The following TBL1X variants were observed in gnomAD, a reference collection of about 807,000 sequenced individuals.
TBL1X encodes transducin beta like 1 X-linked, also known as F-box-like/WD repeat-containing protein TBL1X.
A neutral mutation model predicts 50.7 loss-of-function variants in TBL1X; 10 were observed. The observed-to-expected ratio is 0.20, with a 90% CI of 0.12 to 0.33. The LOEUF is 0.33. Ranked by LOEUF, TBL1X falls within the 10% of genes least tolerant of loss-of-function variation. TBL1X has a pLI of 1.00. For synonymous variants in TBL1X, 190 were observed against 214.7 expected (o/e 0.88, Z 1.01); for missense variants, 340 against 504.4 (o/e 0.67, Z 3.12).
intron 1 of TBL1X, 79 bp downstream of exon 1, chrX:9,465,526 A>T (rs924227832): frequency 9.0e-5 from 10 of 111,404 alleles, no homozygotes; most frequent in African/African-American, 2.9e-4. Flanking sequence ...CTGACCCTCC[A>T]GGGTCCGGCC....
chrX:9,683,073 C>A (rs1285661124), intron 5 of TBL1X, among the ~76,000 whole-genome samples: 1 of 111,728 alleles, frequency 9.0e-6, no homozygotes, highest in African/African-American at 3.3e-5. Flanking sequence ...CCCAGCCCTG[C>A]CAGGCGGGGT....
At chrX:9,477,808 C>T (rs1414209610) in intron 1 of TBL1X, among the ~76,000 whole-genome samples, 1 of 111,678 alleles carries the variant, frequency 9.0e-6, no homozygotes, top group African/African-American at 3.3e-5. Flanking sequence ...TAAGATCGCT[C>T]CTACTCGGTT....
chrX:9,698,571 T>A (rs2083147725), intron 12 of TBL1X, among the ~76,000 whole-genome samples: 1 of 110,281 alleles, frequency 9.1e-6, no homozygotes, highest in Admixed American at 9.6e-5. Flanking sequence ...GTGCCCAGAG[T>A]TTTTATTGGG....
chrX:9,475,491 C>G (rs1453729804), intron 1 of TBL1X, among the ~76,000 whole-genome samples: 1 of 110,653 alleles, frequency 9.0e-6, no homozygotes, highest in Non-Finnish European at 1.9e-5. Flanking sequence ...AGTGATCTGC[C>G]TGCCTCGGCC....
chrX:9,683,359 C>T (rs1045674607), intron 5 of TBL1X, among the ~76,000 whole-genome samples: 4 of 112,138 alleles, frequency 3.6e-5, no homozygotes, highest in Admixed American at 9.4e-5. Flanking sequence ...AATTGCCAAG[C>T]ATCATTGATA....
At chrX:9,555,147 C>G (rs2082289996) in intron 2 of TBL1X, among the ~76,000 whole-genome samples, 1 of 111,325 alleles carries the variant, frequency 9.0e-6, no homozygotes, top group Non-Finnish European at 1.9e-5. Flanking sequence ...AGGATCATAG[C>G]TCGGTGCAGC....
intron 2 of TBL1X, among the ~76,000 whole-genome samples, chrX:9,554,836 C>G (rs770891644): frequency 9.0e-6 from 1 of 111,514 alleles, no homozygotes; most frequent in East Asian, 2.8e-4. Context: ...GTACAGACAT[C>G]GAGACAGCAC....
chrX:9,716,446 G>A lies in TBL1X; in HGVS notation c.*200G>A. 2.5e-6 allele frequency: 1 copy of A among 407,752 alleles called. No individual in the cohort carries two copies. The highest frequency in any genetic ancestry group is 4.2e-6 in the Non-Finnish European group (1 of 236,658). The allele number at this position is 407,752 out of a possible 1,213,427, so 33.6% of individuals were successfully genotyped here. ...TTTTAAAAGGCAAGCAAAAACAGAA[G>A]CAAATCATATCAAACGGGGATAGAA... On this transcript the variant is annotated 3_prime_UTR_variant, in exon 18 of 18. Coordinates refer to ENST00000645353, the MANE Select transcript of TBL1X (RefSeq NM_005647.4).
chrX:9,523,820 CTAAAA>C (rs780325654), intron 2 of TBL1X, among the ~76,000 whole-genome samples: 1 of 111,221 alleles, frequency 9.0e-6, no homozygotes, highest in South Asian at 3.8e-4. Flanking sequence ...GAATCACATT[CTAAAA>C]TAAAAGTAGA....
rs1240283658 is a variant in TBL1X, at chrX:9,558,928, A to T, written c.-131+57079A>T. On this transcript the variant is annotated intron_variant, in intron 2 of 17. Transcript: ENST00000645353. ...GTACAGTTATCTCATAATGAGGGTT[A>T]TTTTAAGAAGTGTCTCAAGGAAATG... is the stretch of plus-strand genomic sequence containing the variant. 2.7e-5 allele frequency among the ~76,000 whole-genome samples: 3 copies of T among 112,120 alleles called. No individual in the cohort carries two copies. The Admixed American group carries it at 2.8e-4, about 11-fold the overall frequency.
chrX:9,527,219 C>T (rs10126773), intron 2 of TBL1X, among the ~76,000 whole-genome samples: 19,863 of 111,209 alleles, frequency 0.18, 1,966 homozygotes, highest in African/African-American at 0.37. Flanking sequence ...AGCTCAGCAG[C>T]GTCTCAGGAG....
At chrX:9,493,520 G>A (rs2081957552) in intron 1 of TBL1X, among the ~76,000 whole-genome samples, 1 of 111,743 alleles carries the variant, frequency 8.9e-6, no homozygotes, top group Non-Finnish European at 1.9e-5. Context: ...CAAGCACTTT[G>A]GGAAGCTGAG....
At chrX:9,533,540 A>G (rs1285470849) in intron 2 of TBL1X, among the ~76,000 whole-genome samples, 2 of 111,756 alleles carry the variant, frequency 1.8e-5, no homozygotes, top group Non-Finnish European at 1.9e-5. Flanking sequence ...TGAAAGAGAA[A>G]CTTAAATGCA....
At chrX:9,615,996 T>C (rs2082637444) in intron 2 of TBL1X, among the ~76,000 whole-genome samples, 2 of 112,198 alleles carry the variant, frequency 1.8e-5, no homozygotes, top group African/African-American at 6.5e-5. Context: ...GAACATTTAC[T>C]ATGTGAAACA....
At chrX:9,646,850 G>A (rs759220540) in intron 3 of TBL1X, among the ~76,000 whole-genome samples, 1 of 112,156 alleles carries the variant, frequency 8.9e-6, no homozygotes, top group Non-Finnish European at 1.9e-5. Flanking sequence ...AGCTCTGTGC[G>A]CTGCCCTTCC....
At chrX:9,698,387 A>T (rs1051189750) in intron 12 of TBL1X, among the ~76,000 whole-genome samples, 4 of 111,770 alleles carry the variant, frequency 3.6e-5, no homozygotes, top group Non-Finnish European at 5.6e-5. Flanking sequence ...GATTTCTAAC[A>T]GCACAAGAAT....
At position 9,629,229 on chromosome X, in the gene TBL1X, T is replaced by G. The variant is rs763944193; in HGVS notation, c.-130-11044T>G. Among the ~76,000 whole-genome samples the G allele has an allele frequency of 1.1e-3, 128 of 113,092 alleles. 1 individual carries two copies. The highest frequency in any genetic ancestry group is 1.7e-4 in the Non-Finnish European group (9 of 53,405). ...ACTACTGCACACAGGCCAACTGGCT[T>G]GCAGCCTGCTTTTGTAGGTAGTTTT... On this transcript the variant is annotated intron_variant, in intron 2 of 17. Coordinates refer to ENST00000645353, the MANE Select transcript of TBL1X (RefSeq NM_005647.4).
At chrX:9,688,626 A>C (rs773866860) in intron 7 of TBL1X, among the ~76,000 whole-genome samples, 1 of 112,876 alleles carries the variant, frequency 8.9e-6, no homozygotes, top group East Asian at 2.8e-4. Context: ...GTTTTTGGCC[A>C]AATTATGGTA....
At chrX:9,665,540 A>ATATATATATAT (rs1569091686) in intron 5 of TBL1X, among the ~76,000 whole-genome samples, 7 of 32,949 alleles carry the variant, frequency 2.1e-4, no homozygotes, top group African/African-American at 6.8e-4. Context: ...TATATATATA[A>ATATATATATAT]AAGGCCTTGG....
Sources: gnomAD v4.1 joint callset for allele counts (sites outside exome capture counted in the v4.1 genomes callset) on GRCh38, gnomAD v4.1.1 for gene constraint, MANE v1.5 for transcripts, NCBI Gene and HGNC (gene_info 2026-07-23, HGNC 2026-07-21) for gene names.